The following TBC1D12 variants were observed in gnomAD, a reference collection of about 807,000 sequenced individuals.
The protein encoded by TBC1D12 is TBC1 domain family, member 12.
Under a neutral mutation model 86.7 loss-of-function variants are expected in TBC1D12, and 56 were observed. That is an observed-to-expected ratio of 0.65 (90% CI 0.52 to 0.81). TBC1D12 has a LOEUF of 0.81. Among genes scored for constraint, TBC1D12 ranks in the 30% least tolerant of loss-of-function variants. TBC1D12 has a pLI of 0.00. For missense variants in TBC1D12, 1,023 were observed against 1,038.8 expected (o/e 0.98, Z 0.21); for synonymous variants, 421 against 411.7 (o/e 1.02, Z -0.27).
At chr10:94,404,424 C>G (rs1847408138) in intron 1 of TBC1D12, among the ~76,000 whole-genome samples, 1 of 151,394 alleles carries the variant, frequency 6.6e-6, no homozygotes, top group African/African-American at 2.4e-5. Context: ...GGCGGGCGGA[C>G]TATTTGAGGT....
At chr10:94,469,000 C>T (rs978635739) in intron 2 of TBC1D12, among the ~76,000 whole-genome samples, 1 of 152,114 alleles carries the variant, frequency 6.6e-6, no homozygotes, top group Non-Finnish European at 1.5e-5. Flanking sequence ...AAAGTAAGTT[C>T]ATTGATAATT....
At chr10:94,454,934 C>T (rs770470795) in intron 2 of TBC1D12, among the ~76,000 whole-genome samples, 5 of 152,110 alleles carry the variant, frequency 3.3e-5, no homozygotes, top group African/African-American at 4.8e-5. Flanking sequence ...CAGTGGTGAG[C>T]GGGGATATCC....
intron 1 of TBC1D12, among the ~76,000 whole-genome samples, chr10:94,404,280 C>CT (rs952277523): frequency 1.8e-4 from 28 of 152,236 alleles, no homozygotes; most frequent in African/African-American, 5.8e-4. Flanking sequence ...TAAGCCTCTC[C>CT]TTTTTTTCCC....
chr10:94,417,554 G>T (rs1197361018), intron 1 of TBC1D12, among the ~76,000 whole-genome samples: 1 of 152,140 alleles, frequency 6.6e-6, no homozygotes, highest in East Asian at 1.9e-4. Context: ...GATCAGAAAG[G>T]AAACAACCTC....
At chr10:94,495,962 G>A (rs2056315058) in intron 4 of TBC1D12, among the ~76,000 whole-genome samples, 1 of 152,046 alleles carries the variant, frequency 6.6e-6, no homozygotes, top group African/African-American at 2.4e-5. Context: ...AATTAGCTGG[G>A]CATGGTGGTG....
chr10:94,478,005 G>T (rs1364901526), intron 3 of TBC1D12, among the ~76,000 whole-genome samples: 1 of 152,188 alleles, frequency 6.6e-6, no homozygotes, highest in Non-Finnish European at 1.5e-5. Flanking sequence ...GAGGAGCTAG[G>T]CATGGTGGCT....
intron 6 of TBC1D12, among the ~76,000 whole-genome samples, chr10:94,503,742 C>G (rs993658260): frequency 6.6e-6 from 1 of 152,184 alleles, no homozygotes; most frequent in Non-Finnish European, 1.5e-5. Context: ...GTCCCTGCCT[C>G]AGCCTCCCAA....
At chr10:94,474,545 C>A in intron 2 of TBC1D12, 123 bp from the exon 3 acceptor site, 1 of 673,042 alleles carries the variant, frequency 1.5e-6, no homozygotes, top group Non-Finnish European at 2.3e-6. Context: ...GATATTTTTA[C>A]CAAATTATTT....
chr10:94,471,285 A>T (rs2055901948), intron 2 of TBC1D12, among the ~76,000 whole-genome samples: 1 of 152,034 alleles, frequency 6.6e-6, no homozygotes, highest in East Asian at 1.9e-4. Flanking sequence ...CTCCAAAAAA[A>T]AAAAAAAAAA....
At chr10:94,450,507 G>A (rs2055534141) in intron 2 of TBC1D12, among the ~76,000 whole-genome samples, 2 of 151,972 alleles carry the variant, frequency 1.3e-5, no homozygotes, top group African/African-American at 4.8e-5. Context: ...GATGGTGAAG[G>A]CTCATTAGCC....
intron 11 of TBC1D12, among the ~76,000 whole-genome samples, chr10:94,525,871 G>T (rs1022196724): frequency 6.6e-6 from 1 of 151,950 alleles, no homozygotes. Flanking sequence ...TGATGTTTCT[G>T]TACATATAAT....
intron 1 of TBC1D12, among the ~76,000 whole-genome samples, chr10:94,420,893 A>T (rs2055065123): frequency 6.6e-6 from 1 of 152,162 alleles, no homozygotes; most frequent in Admixed American, 6.5e-5. Context: ...ATGTATATTT[A>T]TGGGGCACAA....
At chr10:94,407,804 T>A (rs1331588396) in intron 1 of TBC1D12, among the ~76,000 whole-genome samples, 3 of 152,140 alleles carry the variant, frequency 2.0e-5, no homozygotes, top group Non-Finnish European at 2.9e-5. Context: ...TTACTCTTTT[T>A]AAAAAATAGT....
chr10:94,427,955 C>T (rs1335717262), intron 1 of TBC1D12, among the ~76,000 whole-genome samples: 2 of 151,290 alleles, frequency 1.3e-5, no homozygotes, highest in Admixed American at 1.3e-4. Context: ...CATGAGTACA[C>T]TTGGACTGTA....
intron 9 of TBC1D12, among the ~76,000 whole-genome samples, chr10:94,515,344 T>G (rs910993264): frequency 6.6e-5 from 10 of 150,718 alleles, no homozygotes; most frequent in East Asian, 2.0e-4. Flanking sequence ...GGTTTTTTTG[T>G]TTTGTTTTGT....
chr10:94,530,110 A>C (rs948518799), intron 11 of TBC1D12, among the ~76,000 whole-genome samples: 7 of 152,200 alleles, frequency 4.6e-5, no homozygotes, highest in Non-Finnish European at 8.8e-5. Context: ...GGAAGCTTTT[A>C]GTTCCCTTCC....
intron 1 of TBC1D12, among the ~76,000 whole-genome samples, chr10:94,411,956 CA>C (rs572927612): frequency 7.1e-4 from 107 of 150,008 alleles, no homozygotes; most frequent in Non-Finnish European, 9.9e-4. Flanking sequence ...AGACTGTCTC[CA>C]AAAAAAAAGA....
At chr10:94,469,384 G>A (rs758106386) in intron 2 of TBC1D12, among the ~76,000 whole-genome samples, 2 of 151,020 alleles carry the variant, frequency 1.3e-5, no homozygotes, top group African/African-American at 2.4e-5. Flanking sequence ...TATTGTACAC[G>A]TGTAGATCAG....
At chr10:94,529,072 G>A (rs182549935) in intron 11 of TBC1D12, among the ~76,000 whole-genome samples, 3 of 151,822 alleles carry the variant, frequency 2.0e-5, no homozygotes, top group African/African-American at 4.8e-5. Context: ...GTGCAGTGGC[G>A]TGATCACAGC....
Sources: gnomAD v4.1 joint callset for allele counts (sites outside exome capture counted in the v4.1 genomes callset) on GRCh38, gnomAD v4.1.1 for gene constraint, MANE v1.5 for transcripts, NCBI Gene and HGNC (gene_info 2026-07-23, HGNC 2026-07-21) for gene names.